ANXA5: variants seen among roughly 807,000 people sequenced by gnomAD.
The protein encoded by ANXA5 is CBP-I.
A neutral mutation model predicts 48.1 loss-of-function variants in ANXA5; 40 were observed. That is an observed-to-expected ratio of 0.83 (90% CI 0.65 to 1.08). ANXA5 has a LOEUF of 1.08. Ranked by LOEUF, ANXA5 falls within the 50% of genes least tolerant of loss-of-function variation. The probability of loss-of-function intolerance (pLI) is 0.00; values close to 1 mark genes in which losing one functional copy is unlikely to be tolerated. For missense variants in ANXA5, 357 were observed against 376.8 expected (o/e 0.95, Z 0.44); for synonymous variants, 113 against 129.1 (o/e 0.88, Z 0.85).
chr4:121,688,360 A>T (rs1724927221), intron 2 of ANXA5, among the ~76,000 whole-genome samples: 1 of 152,100 alleles, frequency 6.6e-6, no homozygotes, highest in Non-Finnish European at 1.5e-5. Flanking sequence ...CTTCAGCAAG[A>T]ATCCTATTAA....
At chr4:121,689,907 TTC>T (rs1464931822) in intron 2 of ANXA5, among the ~76,000 whole-genome samples, 2 of 152,124 alleles carry the variant, frequency 1.3e-5, no homozygotes, top group African/African-American at 2.4e-5. Context: ...CTTAGGGTGA[TTC>T]TGTTTTTTGG....
chr4:121,677,927 T>G lies in ANXA5; in HGVS notation c.498A>C (p.Gly166=), dbSNP rs755825596. The change falls in exon 8 of 13, where the codon GGA becomes GGC. Residue 166 remains glycine, a synonymous_variant. Coordinates refer to ENST00000296511, the MANE Select transcript of ANXA5 (RefSeq NM_001154.4). ...LLQANRDPDA[G]IDEAQVEQDA... is the part of the protein sequence containing the mutation. ...CTTGTTCAACTTGAGCTTCATCAAT[T>G]CCAGCATCAGGGTCTCTGTTAGCCT... 6.2e-7 allele frequency: 1 copy of G among 1,613,876 alleles called. No homozygotes were observed. Among genetic ancestry groups the G allele is most frequent in the South Asian group, 1.1e-5 (1 of 91,062 alleles).
chr4:121,692,791 C>T (rs1482685237), intron 2 of ANXA5, among the ~76,000 whole-genome samples: 3 of 152,204 alleles, frequency 2.0e-5, no homozygotes, highest in African/African-American at 4.8e-5. Flanking sequence ...ATAATGCACA[C>T]AAAAGACTTG....
At chr4:121,686,407 A>G (rs1356082622) in intron 2 of ANXA5, 35 bp from the exon 3 acceptor site, 1 of 1,442,174 alleles carries the variant, frequency 6.9e-7, no homozygotes, top group Non-Finnish European at 9.7e-7. Flanking sequence ...TATTCATATC[A>G]TGACTAATAT....
chr4:121,676,187 A>G (rs1335692902), intron 8 of ANXA5, among the ~76,000 whole-genome samples: 3 of 152,150 alleles, frequency 2.0e-5, no homozygotes, highest in Admixed American at 6.5e-5. Flanking sequence ...AAAGCCCCTA[A>G]CAGGAGTACA....
chr4:121,671,281 T>C (rs1442399050), intron 10 of ANXA5, among the ~76,000 whole-genome samples: 1 of 152,174 alleles, frequency 6.6e-6, no homozygotes, highest in Non-Finnish European at 1.5e-5. Flanking sequence ...GGTTTATCAA[T>C]AAATAATATT....
At chr4:121,685,520 G>A (rs956556299) in intron 3 of ANXA5, among the ~76,000 whole-genome samples, 1 of 152,208 alleles carries the variant, frequency 6.6e-6, no homozygotes, top group Non-Finnish European at 1.5e-5. Context: ...ATAAACAGCA[G>A]ATAAGCCAGG....
At chr4:121,668,644 T>C in intron 12 of ANXA5, 117 bp from the exon 13 acceptor site, 1 of 790,456 alleles carries the variant, frequency 1.3e-6, no homozygotes, top group Non-Finnish European at 2.1e-6. Flanking sequence ...GTGGGTAATC[T>C]CTGTGACTTT....
intron 2 of ANXA5, among the ~76,000 whole-genome samples, chr4:121,691,822 A>G (rs1030881807): frequency 6.6e-6 from 1 of 152,190 alleles, no homozygotes; most frequent in Non-Finnish European, 1.5e-5. Context: ...AAAATAAATT[A>G]TTTATCACTG....
rs150029805 is a variant in ANXA5 at position 121,689,610 on chromosome 4, G to C, written c.10-3238C>G. 3.3e-5 allele frequency among the ~76,000 whole-genome samples: 5 copies of C among 152,308 alleles called. No homozygotes were observed. In the East Asian group the frequency reaches 9.6e-4, roughly 29 times the overall value. On this transcript the variant is annotated intron_variant, in intron 2 of 12. Transcript: ENST00000296511. ...GGCTAAAGAGTTAAGTATTTCAGCA[G>C]ACTGGAACAAGCAGTAAGGTTGAAA...
chr4:121,668,216 A>G lies in ANXA5; in HGVS notation c.*252T>C. 3.0e-6 allele frequency: 1 copy of G among 329,136 alleles called. No individual in the cohort carries two copies. The highest frequency in any genetic ancestry group is 4.9e-5 in the East Asian group (1 of 20,464). 20.4% of individuals were successfully genotyped at this position (329,136 alleles called of 1,614,324 possible). On this transcript the variant is annotated 3_prime_UTR_variant, in exon 13 of 13. Transcript: ENST00000296511. ...CTAGCCTCTTAAAAAATATATATAAATGGAAAATGGCCAGGCATTAAACTT... is the reference window on the plus strand; with the variant it reads ...CTAGCCTCTTAAAAAATATATATAAGTGGAAAATGGCCAGGCATTAAACTT...
intron 7 of ANXA5, 41 bp downstream of exon 7, chr4:121,678,374 C>T: frequency 6.4e-7 from 1 of 1,552,326 alleles, no homozygotes; most frequent in East Asian, 2.3e-5. Context: ...AGTCCAACTT[C>T]AGGCTTTTTA....
chr4:121,696,344 G>T (rs1466780929), intron 2 of ANXA5, among the ~76,000 whole-genome samples: 1 of 152,154 alleles, frequency 6.6e-6, no homozygotes, highest in Non-Finnish European at 1.5e-5. Context: ...GCTGTTGCGC[G>T]CGAAGGCAGC....
chr4:121,683,608 A>G, intron 4 of ANXA5, 131 bp from the exon 5 acceptor site: 1 of 542,516 alleles, frequency 1.8e-6, no homozygotes, highest in South Asian at 2.9e-5. Flanking sequence ...CCCATGAGCT[A>G]AACAAAACCC....
intron 2 of ANXA5, among the ~76,000 whole-genome samples, chr4:121,691,438 T>A (rs1724982501): frequency 6.6e-6 from 1 of 152,206 alleles, no homozygotes; most frequent in African/African-American, 2.4e-5. Flanking sequence ...TATTCACCTG[T>A]CTGGAACATT....
chr4:121,680,826 GGAAA>G (rs954352359), intron 6 of ANXA5, among the ~76,000 whole-genome samples: 1 of 152,206 alleles, frequency 6.6e-6, no homozygotes, highest in African/African-American at 2.4e-5. Context: ...AAGAGAAGCA[GGAAA>G]GAGAGATTCA....
At chr4:121,684,526 T>G in intron 4 of ANXA5, 151 bp downstream of exon 4, 1 of 635,936 alleles carries the variant, frequency 1.6e-6, no homozygotes, top group Non-Finnish European at 2.7e-6. Context: ...TAAGAGCTGA[T>G]AATTTAGAGG....
At chr4:121,696,027 C>A (rs575762112) in intron 2 of ANXA5, among the ~76,000 whole-genome samples, 1 of 151,704 alleles carries the variant, frequency 6.6e-6, no homozygotes, top group Non-Finnish European at 1.5e-5. Flanking sequence ...AAAAACAGCG[C>A]TTGTGTTTAA....
In ANXA5 at chr4:121,686,434, C is replaced by T. The variant is rs2110488171; in HGVS notation, c.10-62G>A. 18 of 1,257,890 alleles carry T rather than the reference C, an allele frequency of 1.4e-5. No homozygotes were observed. The South Asian group carries it at 1.5e-4, about 10-fold the overall frequency. 77.9% of individuals were successfully genotyped at this position (1,257,890 alleles called of 1,614,324 possible). On this transcript the variant is annotated intron_variant, in intron 2 of 12. Coordinates refer to ENST00000296511, the MANE Select transcript of ANXA5 (RefSeq NM_001154.4). The stretch of plus-strand genomic sequence containing the variant: ...GACTAATATGACAAAGTAAATAACA[C>T]AAACAGGAAGCCGCTTGCTATATAT...
Sources: gnomAD v4.1 joint callset for allele counts (sites outside exome capture counted in the v4.1 genomes callset) on GRCh38, gnomAD v4.1.1 for gene constraint, MANE v1.5 for transcripts, NCBI Gene and HGNC (gene_info 2026-07-23, HGNC 2026-07-21) for gene names.